HS6ST2: variants seen among roughly 807,000 people sequenced by gnomAD.
HS6ST2 encodes the protein heparan sulfate 6-O-sulfotransferase 2.
In HS6ST2, 17 loss-of-function variants were observed where a neutral mutation model predicts 33.0. That is an observed-to-expected ratio of 0.52 (90% CI 0.35 to 0.77). HS6ST2 has a LOEUF of 0.77. Among genes scored for constraint, HS6ST2 ranks in the 30% least tolerant of loss-of-function variants. HS6ST2 has a pLI of 0.01. For missense variants in HS6ST2, 519 were observed against 551.7 expected (o/e 0.94, Z 0.59); for synonymous variants, 248 against 237.1 (o/e 1.05, Z -0.42).
At chrX:132,807,472 G>C (rs1437136920) in intron 2 of HS6ST2, among the ~76,000 whole-genome samples, 7 of 110,872 alleles carry the variant, frequency 6.3e-5, no homozygotes, top group African/African-American at 2.3e-4. Context: ...GCTGAAGGGA[G>C]ATTAGTGCTG....
chrX:132,955,698 C>T (rs1387402875), intron 2 of HS6ST2, among the ~76,000 whole-genome samples: 5 of 111,924 alleles, frequency 4.5e-5, no homozygotes, highest in African/African-American at 1.3e-4. Flanking sequence ...AGGAGACTTG[C>T]GAAACAGTAG....
chrX:132,825,119 T>G (rs1272685334), intron 2 of HS6ST2, among the ~76,000 whole-genome samples: 2 of 111,977 alleles, frequency 1.8e-5, no homozygotes, highest in Non-Finnish European at 3.8e-5. Flanking sequence ...CTGACACTTC[T>G]AAAACTGTGT....
At chrX:132,939,661 C>T (rs2066866926) in intron 2 of HS6ST2, among the ~76,000 whole-genome samples, 1 of 111,139 alleles carries the variant, frequency 9.0e-6, no homozygotes, top group African/African-American at 3.3e-5. Context: ...TATATAGTAG[C>T]AATGAACAAT....
intron 2 of HS6ST2, among the ~76,000 whole-genome samples, chrX:132,823,268 T>A (rs1395950362): frequency 9.0e-6 from 1 of 111,601 alleles, no homozygotes; most frequent in East Asian, 2.8e-4. Flanking sequence ...AACTTACATA[T>A]TTTTTTAATT....
At chrX:132,808,278 C>T (rs1005318358) in intron 2 of HS6ST2, among the ~76,000 whole-genome samples, 1 of 112,160 alleles carries the variant, frequency 8.9e-6, no homozygotes, top group East Asian at 2.8e-4. Flanking sequence ...AATTAACATG[C>T]CTTTCTTCCT....
At chrX:132,704,541 C>T (rs771995501) in intron 3 of HS6ST2, among the ~76,000 whole-genome samples, 1 of 108,903 alleles carries the variant, frequency 9.2e-6, no homozygotes, top group Non-Finnish European at 1.9e-5. Flanking sequence ...GTAACAAGAG[C>T]GAAAAAAACT....
chrX:132,845,523 A>G (rs1373469940), intron 2 of HS6ST2, among the ~76,000 whole-genome samples: 2 of 111,688 alleles, frequency 1.8e-5, no homozygotes, highest in Non-Finnish European at 3.8e-5. Flanking sequence ...CATAGGAGGT[A>G]TAAAAGAATT....
At chrX:132,801,644 TC>T (rs1340361613) in intron 2 of HS6ST2, among the ~76,000 whole-genome samples, 151 of 111,638 alleles carry the variant, frequency 1.4e-3, no homozygotes, top group African/African-American at 4.4e-3. Context: ...AATGGCCTTC[TC>T]TTGGGTTCCT....
At chrX:132,772,790 GATATAATATAAA>G (rs2064915600) in intron 2 of HS6ST2, among the ~76,000 whole-genome samples, 1 of 82,811 alleles carries the variant, frequency 1.2e-5, no homozygotes, top group Non-Finnish European at 2.2e-5. Flanking sequence ...TTTTATATAT[GATATAATATAAA>G]ATATAATATA....
chrX:132,908,558 C>T (rs776956179), intron 2 of HS6ST2, among the ~76,000 whole-genome samples: 13 of 112,486 alleles, frequency 1.2e-4, no homozygotes, highest in African/African-American at 3.2e-4. Context: ...GAATGTTATT[C>T]AGCAATAAAA....
intron 2 of HS6ST2, among the ~76,000 whole-genome samples, chrX:132,767,857 G>C (rs778106658): frequency 9.0e-6 from 1 of 111,531 alleles, no homozygotes; most frequent in African/African-American, 3.3e-5. Context: ...GAGAGGTTAA[G>C]TAACTTGCCC....
intron 2 of HS6ST2, among the ~76,000 whole-genome samples, chrX:132,799,272 T>A (rs1405457624): frequency 9.0e-6 from 1 of 111,310 alleles, no homozygotes; most frequent in Non-Finnish European, 1.9e-5. Context: ...AACAGTGTTA[T>A]CCCATGTAAG....
At chrX:132,838,002 T>A (rs2148395241) in intron 2 of HS6ST2, among the ~76,000 whole-genome samples, 1 of 112,554 alleles carries the variant, frequency 8.9e-6, no homozygotes, top group Non-Finnish European at 1.9e-5. Flanking sequence ...GTTGCCATCA[T>A]CAAGTGGTTA....
At chrX:132,660,231 T>C (rs1201903575) in intron 4 of HS6ST2, among the ~76,000 whole-genome samples, 1 of 111,933 alleles carries the variant, frequency 8.9e-6, no homozygotes, top group Non-Finnish European at 1.9e-5. Context: ...GTACCTACTA[T>C]GCACTCAGTA....
intron 2 of HS6ST2, among the ~76,000 whole-genome samples, chrX:132,829,199 T>TATATATATATACACAC (rs55664940): frequency 1.4e-5 from 1 of 73,289 alleles, no homozygotes; most frequent in African/African-American, 6.1e-5. Context: ...TATATATATA[T>TATATATATATACACAC]ACATACTTAT....
At chrX:132,869,905 A>T (rs906983161) in intron 2 of HS6ST2, among the ~76,000 whole-genome samples, 6 of 111,673 alleles carry the variant, frequency 5.4e-5, no homozygotes, top group African/African-American at 2.0e-4. Flanking sequence ...TAGTATTGGA[A>T]GTTCTGGCCA....
intron 2 of HS6ST2, among the ~76,000 whole-genome samples, chrX:132,805,569 A>G (rs1158576270): frequency 9.2e-6 from 1 of 109,173 alleles, no homozygotes; most frequent in African/African-American, 3.3e-5. Flanking sequence ...CTGGGAGGCC[A>G]GACCTCCAAA....
intron 2 of HS6ST2, among the ~76,000 whole-genome samples, chrX:132,939,647 T>C (rs2066866529): frequency 9.0e-6 from 1 of 111,365 alleles, no homozygotes. Flanking sequence ...AAAAACTATC[T>C]TTTTATATAG....
At chrX:132,893,048 G>A (rs1249914063) in intron 2 of HS6ST2, among the ~76,000 whole-genome samples, 1 of 112,103 alleles carries the variant, frequency 8.9e-6, no homozygotes, top group Non-Finnish European at 1.9e-5. Context: ...GTCTGTGGTA[G>A]GTTGAATCCA....
Sources: allele counts gnomAD v4.1 joint callset (sites outside exome capture counted in the v4.1 genomes callset), GRCh38; gene constraint gnomAD v4.1.1; transcripts MANE v1.5; gene names NCBI Gene and HGNC (gene_info 2026-07-23, HGNC 2026-07-21).